Variants in FBXL13 observed in about 807,000 individuals in gnomAD.
FBXL13 encodes F-box and leucine rich repeat protein 13.
FBXL13 carries 67 observed loss-of-function variants against 83.6 expected under a neutral mutation model. That is an observed-to-expected ratio of 0.80 (90% CI 0.66 to 0.98). The LOEUF (loss-of-function observed/expected upper bound fraction) is 0.98, where lower values mean the gene tolerates loss of function less well. FBXL13 is among the 50% of genes least tolerant of loss of function. The pLI is 0.00. For synonymous variants in FBXL13, 272 were observed against 299.5 expected (o/e 0.91, Z 0.95); for missense variants, 822 against 866.5 (o/e 0.95, Z 0.64).
intron 11 of FBXL13, among the ~76,000 whole-genome samples, chr7:102,909,425 C>T (rs1361420764): frequency 6.6e-6 from 1 of 152,154 alleles, no homozygotes; most frequent in African/African-American, 2.4e-5. Context: ...AGGTGTAAGA[C>T]TGTCCCCACT....
chr7:102,856,636 T>C (rs1806090345), intron 16 of FBXL13, among the ~76,000 whole-genome samples: 1 of 152,236 alleles, frequency 6.6e-6, no homozygotes, highest in South Asian at 2.1e-4. Context: ...TTAAAACATA[T>C]GGCCTAAAAA....
intron 1 of FBXL13, among the ~76,000 whole-genome samples, chr7:103,058,687 T>C (rs1797573478): frequency 6.6e-6 from 1 of 152,228 alleles, no homozygotes; most frequent in Non-Finnish European, 1.5e-5. Flanking sequence ...CCTAGAAACC[T>C]GCATTTTACT....
Position 102,958,567 on chromosome 7 carries a change from T to A in FBXL13, c.724+4966A>T, listed in dbSNP as rs191047226. Among the ~76,000 whole-genome samples, 537 of 123,638 alleles carry A rather than the reference T, an allele frequency of 4.3e-3. 5 individuals carry two copies. Among genetic ancestry groups the A allele is most frequent in the African/African-American group, 0.015 (526 of 34,288 alleles). 81.1% of individuals were successfully genotyped at this position (123,638 alleles called of 152,430 possible). On this transcript the variant is annotated intron_variant, in intron 8 of 19. Transcript: ENST00000313221. ...ATAATAATAATAATAATAATAATAA[T>A]AAAACAGAGACAGAGAGAGCAAATT...
chr7:102,820,728 G>A (rs962641091), intron 19 of FBXL13, among the ~76,000 whole-genome samples: 1 of 152,180 alleles, frequency 6.6e-6, no homozygotes, highest in Non-Finnish European at 1.5e-5. Context: ...GAAAGAAGGA[G>A]CCCTAGCTCA....
chr7:102,918,198 A>C (rs1170609477), intron 10 of FBXL13, among the ~76,000 whole-genome samples: 2 of 152,230 alleles, frequency 1.3e-5, no homozygotes, highest in Admixed American at 6.5e-5. Context: ...AAAACAGAGA[A>C]TCATTATGAA....
intron 2 of FBXL13, among the ~76,000 whole-genome samples, chr7:103,034,518 G>A (rs955999490): frequency 7.2e-5 from 11 of 152,224 alleles, no homozygotes; most frequent in African/African-American, 2.4e-4. Flanking sequence ...CTGAGCCCAC[G>A]CCCACCCGGA....
intron 19 of FBXL13, among the ~76,000 whole-genome samples, chr7:102,817,228 G>A (rs1051126396): frequency 6.6e-6 from 1 of 152,156 alleles, no homozygotes; most frequent in Non-Finnish European, 1.5e-5. Context: ...CCACCACAGT[G>A]TAAAAGCATT....
chr7:102,905,593 T>A (rs1173978969), intron 11 of FBXL13, among the ~76,000 whole-genome samples: 2 of 152,132 alleles, frequency 1.3e-5, no homozygotes, highest in Non-Finnish European at 2.9e-5. Flanking sequence ...CATTGGAGAG[T>A]TTAGTCCATT....
chr7:103,042,221 CA>C (rs1165236418), intron 2 of FBXL13, among the ~76,000 whole-genome samples: 1 of 152,136 alleles, frequency 6.6e-6, no homozygotes, highest in African/African-American at 2.4e-5. Context: ...CTCCCATTCA[CA>C]ATTGCTTCAA....
intron 6 of FBXL13, among the ~76,000 whole-genome samples, chr7:103,020,487 A>G (rs1002302776): frequency 6.6e-6 from 1 of 152,216 alleles, no homozygotes; most frequent in Non-Finnish European, 1.5e-5. Context: ...CAATCAGGCA[A>G]GAGAAAGAAA....
At chr7:103,013,683 G>C (rs1791908569) in intron 6 of FBXL13, among the ~76,000 whole-genome samples, 1 of 152,004 alleles carries the variant, frequency 6.6e-6, no homozygotes, top group African/African-American at 2.4e-5. Flanking sequence ...CAAAAAGTTA[G>C]AAATATCTCA....
intron 19 of FBXL13, among the ~76,000 whole-genome samples, chr7:102,814,003 C>A (rs1290762933): frequency 6.6e-6 from 1 of 151,980 alleles, no homozygotes; most frequent in East Asian, 1.9e-4. Flanking sequence ...AAAGTTCATG[C>A]AGTTTTGTCT....
chr7:102,958,354 G>C (rs1006564522), intron 8 of FBXL13, among the ~76,000 whole-genome samples: 1 of 151,856 alleles, frequency 6.6e-6, no homozygotes, highest in Non-Finnish European at 1.5e-5. Flanking sequence ...CTTGAACACA[G>C]GGCGGGGAAC....
chr7:103,057,157 G>A (rs149576165), intron 1 of FBXL13, among the ~76,000 whole-genome samples: 27 of 152,228 alleles, frequency 1.8e-4, no homozygotes, highest in African/African-American at 6.5e-4. Flanking sequence ...CAAATAATGT[G>A]ACAGTTTTAA....
intron 18 of FBXL13, among the ~76,000 whole-genome samples, chr7:102,830,374 G>A (rs1800446749): frequency 6.6e-6 from 1 of 152,156 alleles, no homozygotes; most frequent in South Asian, 2.1e-4. Flanking sequence ...ACTAAGCCAT[G>A]TGTTGCCCAT....
At chr7:102,821,335 C>A (rs1798784773) in intron 19 of FBXL13, among the ~76,000 whole-genome samples, 1 of 152,152 alleles carries the variant, frequency 6.6e-6, no homozygotes, top group Non-Finnish European at 1.5e-5. Context: ...GTGGGAATGT[C>A]TATTTTACAA....
intron 6 of FBXL13, chr7:102,973,759 A>T (rs764515583): frequency 3.9e-6 from 3 of 765,346 alleles, no homozygotes; most frequent in Non-Finnish European, 2.4e-6. Flanking sequence ...TCAGTCACTG[A>T]TCTCACCTAC....
At chr7:103,034,728 C>T (rs535992847) in intron 2 of FBXL13, among the ~76,000 whole-genome samples, 32 of 152,346 alleles carry the variant, frequency 2.1e-4, no homozygotes, top group African/African-American at 3.8e-4. Context: ...CGAGAGCGAA[C>T]GAGGGCTGCG....
chr7:102,909,082 C>G (rs569943986), intron 11 of FBXL13, among the ~76,000 whole-genome samples: 11 of 152,332 alleles, frequency 7.2e-5, no homozygotes, highest in African/African-American at 2.6e-4. Context: ...TGTTCTATTG[C>G]ACTGCGGCTG....
Sources: gnomAD v4.1 joint callset for allele counts (sites outside exome capture counted in the v4.1 genomes callset) on GRCh38, gnomAD v4.1.1 for gene constraint, MANE v1.5 for transcripts, NCBI Gene and HGNC (gene_info 2026-07-23, HGNC 2026-07-21) for gene names.